The following HIVEP2 variants were observed in gnomAD, a reference collection of about 807,000 sequenced individuals.
HIVEP2 encodes HIVEP zinc finger 2.
In HIVEP2, 14 loss-of-function variants were observed where a neutral mutation model predicts 180.7. The ratio of observed to expected loss-of-function variants is 0.08; its 90% CI spans 0.05 to 0.12. HIVEP2 has a LOEUF of 0.12. Ranked by LOEUF, HIVEP2 falls within the 10% of genes least tolerant of loss-of-function variation. The pLI, the probability that HIVEP2 is intolerant of heterozygous loss-of-function variation, is 1.00. For synonymous variants in HIVEP2, 1,184 were observed against 1,136.4 expected, an observed-to-expected ratio of 1.04 and a Z score of -0.84; for missense variants, 2,579 against 3,008.5, an observed-to-expected ratio of 0.86 and a Z score of 3.34.
At chr6:142,926,736 G>C (rs1289861283) in intron 1 of HIVEP2, among the ~76,000 whole-genome samples, 1 of 152,176 alleles carries the variant, frequency 6.6e-6, no homozygotes, top group Non-Finnish European at 1.5e-5. Context: ...CGACACGCTG[G>C]GGCCAGTGAA....
At chr6:142,933,282 C>CGTAT (rs2128439204) in intron 1 of HIVEP2, among the ~76,000 whole-genome samples, 2 of 152,274 alleles carry the variant, frequency 1.3e-5, no homozygotes, top group African/African-American at 4.8e-5. Flanking sequence ...CTGATGTATA[C>CGTAT]AACTGTGTGG....
intron 1 of HIVEP2, among the ~76,000 whole-genome samples, chr6:142,871,416 G>A (rs1776286787): frequency 6.6e-6 from 1 of 151,978 alleles, no homozygotes; most frequent in Non-Finnish European, 1.5e-5. Flanking sequence ...TGAAATTTTG[G>A]AACTTCTGAA....
At chr6:142,764,690 C>CG (rs1562500389) in intron 7 of HIVEP2, 109 bp downstream of exon 7, 19 of 845,652 alleles carry the variant, frequency 2.2e-5, no homozygotes, top group African/African-American at 3.5e-5. Context: ...ATCATATTTT[C>CG]ACAAACAAAC....
intron 1 of HIVEP2, among the ~76,000 whole-genome samples, chr6:142,926,647 C>T (rs1777818141): frequency 6.6e-6 from 1 of 152,200 alleles, no homozygotes; most frequent in African/African-American, 2.4e-5. Context: ...TCCTCTGAGT[C>T]AGGGAGGTGC....
At position 142,770,840 on chromosome 6, in the gene HIVEP2, T is replaced by C. The variant is rs767802686; in HGVS notation, c.3899A>G (p.Asp1300Gly). ...CGTTTCAGTTGACTTACTGCTCTGG[T>C]CTGATGGAAACTTTGGAAGAAGGTT... is the stretch of plus-strand genomic sequence containing the variant. ...PKNLLPKFPS[D>G]QSSKSTETPS... The change falls in exon 5 of 10, where the codon GAC becomes GGC. Residue 1300 changes from aspartate (D) to glycine (G), a missense_variant. Around this residue, in one of 11 missense-constraint regions of HIVEP2, gnomAD observed 523 missense variants for 577.0 expected, o/e 0.91. Coordinates refer to ENST00000367603, the MANE Select transcript of HIVEP2 (RefSeq NM_006734.4). This position sits in a 1 kb window ranked among gnomAD's most constrained non-coding sequence, Gnocchi z 4.7. The C allele has an allele frequency of 6.2e-7, 1 of 1,614,066 alleles. No individual in the cohort carries two copies. The highest frequency in any genetic ancestry group is 8.5e-7 in the Non-Finnish European group (1 of 1,180,036).
intron 2 of HIVEP2, among the ~76,000 whole-genome samples, chr6:142,787,465 A>T (rs922906179): frequency 1.2e-4 from 18 of 151,170 alleles, no homozygotes; most frequent in African/African-American, 4.1e-4. Context: ...ATTCAAAAGT[A>T]GTGACTAAAG....
intron 1 of HIVEP2, among the ~76,000 whole-genome samples, chr6:142,891,831 CT>C (rs1443137252): frequency 6.6e-6 from 1 of 152,234 alleles, no homozygotes; most frequent in African/African-American, 2.4e-5. Context: ...CTCTCAAACA[CT>C]GTAATCCCTC....
chr6:142,931,631 C>T (rs1004717637), intron 1 of HIVEP2, among the ~76,000 whole-genome samples: 1 of 152,048 alleles, frequency 6.6e-6, no homozygotes, highest in African/African-American at 2.4e-5. Flanking sequence ...AAATAATATG[C>T]CAATTCAAAG....
chr6:142,892,578 CT>C (rs1175776569), intron 1 of HIVEP2, among the ~76,000 whole-genome samples: 1 of 152,238 alleles, frequency 6.6e-6, no homozygotes, highest in Admixed American at 6.5e-5. Flanking sequence ...AGTGATTGGT[CT>C]ATCTTCATTA....
intron 1 of HIVEP2, among the ~76,000 whole-genome samples, chr6:142,841,556 T>C (rs1775364300): frequency 6.6e-6 from 1 of 152,194 alleles, no homozygotes; most frequent in Non-Finnish European, 1.5e-5. Flanking sequence ...GATATTTTCT[T>C]TTCTGCATGA....
Position 142,903,616 on chromosome 6 carries a change from T to C in HIVEP2, c.-641+41483A>G, listed in dbSNP as rs560702865. Among the ~76,000 whole-genome samples the C allele has an allele frequency of 3.3e-5, 5 of 152,298 alleles. No individual in the cohort carries two copies. In the East Asian group the frequency reaches 9.6e-4, roughly 29 times the overall value. The stretch of plus-strand genomic sequence containing the variant: ...TGTACCAGTACCATATATGCATATA[T>C]ACCAGTACAAAATTGCAGAAAAAAA... On this transcript the variant is annotated intron_variant, in intron 1 of 9. Coordinates refer to ENST00000367603, the MANE Select transcript of HIVEP2 (RefSeq NM_006734.4).
At position 142,774,286 on chromosome 6, in the gene HIVEP2, A is replaced by G. The variant is rs764001238; in HGVS notation, c.453T>C (p.Pro151=). The change falls in exon 5 of 10, where the codon CCT becomes CCC. Residue 151 remains proline (P), a synonymous_variant. Coordinates refer to ENST00000367603, the MANE Select transcript of HIVEP2 (RefSeq NM_006734.4). This position sits in a 1 kb window ranked among gnomAD's most constrained non-coding sequence, Gnocchi z 5.1. ...GGTTCAGACTTGAAATCTTTTTTCT[A>G]GGATAACCACCACTGTGGCCATGTA... is the stretch of plus-strand genomic sequence containing the variant. ...FPIHGHSGGY[P]RKKISSLNPA... The G allele has an allele frequency of 8.7e-6, 14 of 1,614,124 alleles. No individual in the cohort carries two copies. The highest frequency in any genetic ancestry group is 1.2e-5 in the Non-Finnish European group (14 of 1,180,026).
rs199869321 is a variant in HIVEP2 at position 142,754,126 on chromosome 6, A to C, written c.6517-195T>G. 6.0e-4 allele frequency among the ~76,000 whole-genome samples: 91 copies of C among 152,312 alleles called. No individual in the cohort carries two copies. In the East Asian group the frequency reaches 6.5e-3, roughly 11 times the overall value. On this transcript the variant is annotated intron_variant, in intron 9 of 9. Coordinates refer to ENST00000367603, the MANE Select transcript of HIVEP2 (RefSeq NM_006734.4). ...TGTTCTCTTTTATAATCCTTGAATA[A>C]AGGTGTCGGCCTGTGAAAAGTTGCT...
chr6:142,761,040 T>C (rs1037866047), intron 8 of HIVEP2, among the ~76,000 whole-genome samples: 2 of 152,210 alleles, frequency 1.3e-5, no homozygotes, highest in African/African-American at 4.8e-5. Flanking sequence ...GTCTAAGTGA[T>C]GTAACTCAGG....
intron 1 of HIVEP2, among the ~76,000 whole-genome samples, chr6:142,872,495 T>A (rs1321601736): frequency 6.6e-6 from 1 of 152,190 alleles, no homozygotes; most frequent in Non-Finnish European, 1.5e-5. Flanking sequence ...GATGCCATCT[T>A]TTTCTGCTCC....
At chr6:142,899,039 C>G (rs1777066666) in intron 1 of HIVEP2, among the ~76,000 whole-genome samples, 1 of 152,106 alleles carries the variant, frequency 6.6e-6, no homozygotes, top group African/African-American at 2.4e-5. Context: ...CGGAATATGT[C>G]CCCTGTCTTG....
intron 1 of HIVEP2, among the ~76,000 whole-genome samples, chr6:142,896,682 A>G (rs1777003891): frequency 6.6e-6 from 1 of 152,212 alleles, no homozygotes. Context: ...TTTTCAAAGA[A>G]AATTATGTTT....
At chr6:142,778,960 G>T (rs1407043784) in intron 3 of HIVEP2, among the ~76,000 whole-genome samples, 1 of 151,950 alleles carries the variant, frequency 6.6e-6, no homozygotes, top group African/African-American at 2.4e-5. Context: ...GCCCCAAAAT[G>T]CCATTTCCTA....
intron 1 of HIVEP2, among the ~76,000 whole-genome samples, chr6:142,910,470 C>T (rs1057255114): frequency 5.9e-5 from 9 of 152,188 alleles, no homozygotes; most frequent in Admixed American, 1.3e-4. Context: ...GGTGTGGTGG[C>T]GCATGCCTGT....
Sources: allele counts gnomAD v4.1 joint callset (sites outside exome capture counted in the v4.1 genomes callset), GRCh38; gene constraint gnomAD v4.1.1; regional missense constraint gnomAD v4.1.1; non-coding constraint Gnocchi (gnomAD v3.1); transcripts MANE v1.5; gene names NCBI Gene and HGNC (gene_info 2026-07-23, HGNC 2026-07-21).